The following LYST variants were observed in gnomAD, a reference collection of about 807,000 sequenced individuals.
The protein encoded by LYST is lysosomal trafficking regulator.
In LYST, 192 loss-of-function variants were observed where a neutral mutation model predicts 413.6. That is an observed-to-expected ratio of 0.46 (90% CI 0.41 to 0.52). The LOEUF is 0.52. Ranked by LOEUF, LYST falls within the 20% of genes least tolerant of loss-of-function variation. The probability of loss-of-function intolerance (pLI) is 0.00; values close to 1 mark genes in which losing one functional copy is unlikely to be tolerated. For synonymous variants in LYST, 1,525 were observed against 1,567.3 expected (o/e 0.97, Z 0.64); for missense variants, 3,815 against 4,499.9 (o/e 0.85, Z 4.35).
intron 25 of LYST, among the ~76,000 whole-genome samples, chr1:235,754,430 A>G (rs1053358602): frequency 4.0e-5 from 6 of 151,498 alleles, no homozygotes; most frequent in African/African-American, 1.2e-4. Flanking sequence ...CAGTTTCATC[A>G]TGTTGGTCAG....
chr1:235,710,799 C>T (rs1021494663), intron 43 of LYST, among the ~76,000 whole-genome samples: 7 of 152,178 alleles, frequency 4.6e-5, no homozygotes, highest in Non-Finnish European at 8.8e-5. Context: ...AGCCTCTGTT[C>T]GTCTCCCTCT....
At chr1:235,739,354 T>C (rs1242912547) in intron 31 of LYST, among the ~76,000 whole-genome samples, 1 of 152,232 alleles carries the variant, frequency 6.6e-6, no homozygotes, top group Non-Finnish European at 1.5e-5. Context: ...CCGTGTGTTA[T>C]ATAAATAACT....
chr1:235,856,197 G>A, intron 1 of LYST, among the ~76,000 whole-genome samples: 1 of 152,146 alleles, frequency 6.6e-6, no homozygotes, highest in East Asian at 1.9e-4. Flanking sequence ...AAGGGTTAAA[G>A]TTAAAGGGGT....
chr1:235,662,575 C>G lies in LYST; in HGVS notation c.*365G>C, dbSNP rs1364834408. The G allele has an allele frequency of 6.6e-6, 2 of 304,466 alleles. No individual in the cohort carries two copies. The highest frequency in any genetic ancestry group is 1.3e-5 in the Non-Finnish European group (2 of 157,034). 18.9% of individuals were successfully genotyped at this position (304,466 alleles called of 1,614,324 possible). ...AGTGTGTTTTATATAAACAATCAAC[C>G]AACCAATTTAAATTCTACTGGTCCT... On this transcript the variant is annotated 3_prime_UTR_variant, in exon 53 of 53. Transcript: ENST00000389793.
intron 5 of LYST, 128 bp downstream of exon 5, chr1:235,808,327 G>T: frequency 1.3e-6 from 1 of 757,692 alleles, no homozygotes; most frequent in Non-Finnish European, 2.2e-6. Flanking sequence ...TGCTGCCAAA[G>T]CCCTGGAGAT....
At chr1:235,713,666 G>A (rs1662594072) in intron 42 of LYST, among the ~76,000 whole-genome samples, 1 of 152,318 alleles carries the variant, frequency 6.6e-6, no homozygotes, top group African/African-American at 2.4e-5. Flanking sequence ...CAGGGATACA[G>A]CTAAACGTCC....
At chr1:235,828,777 A>AAAAT in intron 3 of LYST, 3 of 864,756 alleles carry the variant, frequency 3.5e-6, no homozygotes, top group Non-Finnish European at 4.2e-6. Flanking sequence ...TCAAAATTTC[A>AAAAT]AAATAAATCA....
chr1:235,752,271 C>G (rs1172090221), intron 26 of LYST, 100 bp from the exon 27 acceptor site: 2 of 868,192 alleles, frequency 2.3e-6, no homozygotes, highest in South Asian at 1.5e-5. Flanking sequence ...AATTCCTGTT[C>G]GACCAGCTTG....
chr1:235,801,131 C>A, intron 8 of LYST, 34 bp from the exon 9 acceptor site: 3 of 1,249,392 alleles, frequency 2.4e-6, no homozygotes, highest in Non-Finnish European at 3.5e-6. Context: ...TACTTGTATT[C>A]CCTAAACACT....
chr1:235,758,968 G>C lies in LYST; in HGVS notation c.6881+4C>G. ...GGGAGGAGTGTACAAAAACACATAA[G>C]TACCTGTGAGCACTTGCAGTTCGGT... On this transcript the variant is annotated splice_donor_region_variant and intron_variant, in intron 23 of 52. Transcript: ENST00000389793. The C allele has an allele frequency of 1.9e-6, 3 of 1,613,850 alleles. No individual in the cohort carries two copies. The highest frequency in any genetic ancestry group is 2.5e-6 in the Non-Finnish European group (3 of 1,179,864).
At chr1:235,727,947 G>T in intron 38 of LYST, 129 bp downstream of exon 38, 1 of 719,380 alleles carries the variant, frequency 1.4e-6, no homozygotes, top group South Asian at 1.6e-5. Flanking sequence ...TTGGAACTCA[G>T]ACCAATCTAT....
At chr1:235,739,205 T>C (rs1665111715) in intron 31 of LYST, among the ~76,000 whole-genome samples, 1 of 152,222 alleles carries the variant, frequency 6.6e-6, no homozygotes, top group South Asian at 2.1e-4. Context: ...CTATAACTTG[T>C]AGTACCATTC....
At chr1:235,812,941 C>T in intron 4 of LYST, 30 bp downstream of exon 4, 1 of 1,387,976 alleles carries the variant, frequency 7.2e-7, no homozygotes, top group East Asian at 2.3e-5. Context: ...TTTGATAACA[C>T]AAGTGATATG....
chr1:235,787,075 T>A, intron 14 of LYST, 125 bp downstream of exon 14: 1 of 711,098 alleles, frequency 1.4e-6, no homozygotes, highest in Non-Finnish European at 2.4e-6. Flanking sequence ...CAACAAAAAA[T>A]ATAGTAAATT....
At chr1:235,745,542 C>T (rs924495468) in intron 29 of LYST, among the ~76,000 whole-genome samples, 4 of 152,094 alleles carry the variant, frequency 2.6e-5, no homozygotes, top group African/African-American at 7.2e-5. Flanking sequence ...ATGTAATTAC[C>T]GTATGACCCA....
At chr1:235,819,888 C>T (rs111884548) in intron 3 of LYST, among the ~76,000 whole-genome samples, 3 of 152,262 alleles carry the variant, frequency 2.0e-5, no homozygotes, top group African/African-American at 4.8e-5. Context: ...CCTCGTGATC[C>T]GCCAGCCTCA....
At chr1:235,747,094 G>C in intron 28 of LYST, 1 of 278,350 alleles carries the variant, frequency 3.6e-6, no homozygotes, top group Non-Finnish European at 7.2e-6. Context: ...GGAATTCAAT[G>C]CTACAAAAGC....
intron 45 of LYST, among the ~76,000 whole-genome samples, chr1:235,701,206 T>A (rs966932823): frequency 6.6e-6 from 1 of 152,196 alleles, no homozygotes; most frequent in Non-Finnish European, 1.5e-5. Context: ...GCTGGTACCA[T>A]GTTCCCACTG....
At chr1:235,834,388 T>A (rs1240944411) in intron 1 of LYST, among the ~76,000 whole-genome samples, 2 of 152,132 alleles carry the variant, frequency 1.3e-5, no homozygotes, top group East Asian at 3.8e-4. Context: ...AAAATCAGAT[T>A]GATTTTTAAA....
Sources: allele counts gnomAD v4.1 joint callset (sites outside exome capture counted in the v4.1 genomes callset), GRCh38; gene constraint gnomAD v4.1.1; transcripts MANE v1.5; gene names NCBI Gene and HGNC (gene_info 2026-07-23, HGNC 2026-07-21).